Variants in TIPIN observed in about 807,000 individuals in gnomAD.
TIPIN encodes the protein TIMELESS interacting protein, also known as TIMELESS-interacting protein.
In TIPIN, 29 loss-of-function variants were observed where a neutral mutation model predicts 35.6. The ratio of observed to expected loss-of-function variants is 0.82; its 90% CI spans 0.61 to 1.11. The LOEUF is 1.11. Among genes scored for constraint, TIPIN ranks in the 50% most tolerant of loss-of-function variants. The probability of loss-of-function intolerance (pLI) is 0.00; values close to 1 mark genes in which losing one functional copy is unlikely to be tolerated. For missense variants in TIPIN, 296 were observed against 345.4 expected, an observed-to-expected ratio of 0.86 and a Z score of 1.13; for synonymous variants, 102 against 121.5, an observed-to-expected ratio of 0.84 and a Z score of 1.06.
At chr15:66,367,897 T>C (rs371703512) in intron 1 of TIPIN, among the ~76,000 whole-genome samples, 8 of 149,780 alleles carry the variant, frequency 5.3e-5, no homozygotes, top group South Asian at 2.1e-4. Context: ...TGCAGTGGCG[T>C]GATCTCGGCT....
intron 1 of TIPIN, among the ~76,000 whole-genome samples, chr15:66,366,251 C>T (rs891738324): frequency 6.6e-5 from 10 of 151,176 alleles, no homozygotes; most frequent in South Asian, 2.1e-4. Context: ...GTCAAGAGTT[C>T]GAGACCAGCC....
chr15:66,381,977 AC>A (rs1478161559), intron 1 of TIPIN, among the ~76,000 whole-genome samples: 2 of 152,120 alleles, frequency 1.3e-5, no homozygotes, highest in Non-Finnish European at 2.9e-5. Flanking sequence ...AGGCAGGAGA[AC>A]CGCTTGAACC....
chr15:66,354,050 C>T (rs563412767), intron 1 of TIPIN, among the ~76,000 whole-genome samples: 17 of 152,110 alleles, frequency 1.1e-4, no homozygotes, highest in Non-Finnish European at 2.4e-4. Flanking sequence ...TCTGGGCACT[C>T]CTCCTGGATT....
chr15:66,382,621 T>G (rs2093322338), intron 1 of TIPIN, among the ~76,000 whole-genome samples: 1 of 151,772 alleles, frequency 6.6e-6, no homozygotes, highest in Non-Finnish European at 1.5e-5. Context: ...GTCATCCACC[T>G]GCCTCAGCCT....
intron 4 of TIPIN, among the ~76,000 whole-genome samples, chr15:66,350,226 A>G (rs2093157917): frequency 6.6e-6 from 1 of 151,978 alleles, no homozygotes; most frequent in Non-Finnish European, 1.5e-5. Context: ...GGCCTCCCAA[A>G]GTGCTGGGAT....
intron 4 of TIPIN, among the ~76,000 whole-genome samples, chr15:66,350,165 T>C (rs1485155304): frequency 6.6e-6 from 1 of 151,802 alleles, no homozygotes; most frequent in Non-Finnish European, 1.5e-5. Flanking sequence ...GGTTTTGCCA[T>C]GTTGGCCAGG....
chr15:66,349,153 A>G (rs763380356), intron 5 of TIPIN, 30 bp from the exon 6 acceptor site: 1 of 1,605,100 alleles, frequency 6.2e-7, no homozygotes, highest in Admixed American at 1.7e-5. Context: ...ATTTATTTTT[A>G]CCTCTTTACC....
At chr15:66,383,317 C>T (rs892398975) in intron 1 of TIPIN, among the ~76,000 whole-genome samples, 1 of 149,692 alleles carries the variant, frequency 6.7e-6, no homozygotes, top group African/African-American at 2.5e-5. Context: ...GGCTGGAGTA[C>T]AGTGGAGTGA....
intron 1 of TIPIN, among the ~76,000 whole-genome samples, chr15:66,367,234 A>ATATCTATATCTATATCTATATCTG (rs1566983188): frequency 7.7e-5 from 10 of 130,714 alleles, no homozygotes; most frequent in African/African-American, 2.4e-4. Context: ...ATCTGTATCT[A>ATATCTATATCTATATCTATATCTG]TATCTATATC....
intron 7 of TIPIN, among the ~76,000 whole-genome samples, chr15:66,340,517 G>A (rs577778066): frequency 1.3e-5 from 2 of 151,798 alleles, no homozygotes; most frequent in Non-Finnish European, 2.9e-5. Flanking sequence ...TTGTCCTAAA[G>A]GTAATAGTAT....
At chr15:66,379,201 T>C (rs565932774) in intron 1 of TIPIN, 11 of 1,235,666 alleles carry the variant, frequency 8.9e-6, no homozygotes, top group Non-Finnish European at 1.2e-5. Flanking sequence ...GATTGCATCT[T>C]TGATGCACCT....
chr15:66,357,729 G>T (rs1436548496), upstream of TIPIN, among the ~76,000 whole-genome samples: 2 of 152,090 alleles, frequency 1.3e-5, no homozygotes, highest in South Asian at 2.1e-4. Flanking sequence ...AGGCCGAGGC[G>T]GGCAGATCAC....
At chr15:66,356,929 T>C (rs527980716), upstream of TIPIN, among the ~76,000 whole-genome samples, 1 of 152,256 alleles carries the variant, frequency 6.6e-6, no homozygotes. Flanking sequence ...CTTTTTTTTT[T>C]TTCTTGAGAC....
intron 1 of TIPIN, among the ~76,000 whole-genome samples, chr15:66,368,215 G>T (rs1239433235): frequency 1.3e-5 from 2 of 151,924 alleles, no homozygotes; most frequent in Admixed American, 6.6e-5. Context: ...ATAGGAAATT[G>T]CTTTTTAAAA....
At chr15:66,379,573 G>A (rs2093310386) in intron 1 of TIPIN, 16 of 1,611,314 alleles carry the variant, frequency 9.9e-6, no homozygotes, top group Admixed American at 5.0e-5. Context: ...AAGAAATTTC[G>A]GATTTCAACA....
chr15:66,383,548 GCCA>G, intron 1 of TIPIN: 1 of 981,302 alleles, frequency 1.0e-6, no homozygotes, highest in Non-Finnish European at 1.2e-6. Flanking sequence ...AAAGGTGTGA[GCCA>G]CCACCACACC....
At chr15:66,346,344 C>G (rs1370780969) in intron 6 of TIPIN, among the ~76,000 whole-genome samples, 3 of 150,324 alleles carry the variant, frequency 2.0e-5, no homozygotes, top group African/African-American at 7.3e-5. Context: ...CTCCCCCATT[C>G]AAAATCACCT....
In TIPIN at chr15:66,352,805, C is replaced by G; in HGVS notation, c.133+10G>C. 1.2e-6 allele frequency: 2 copies of G among 1,607,534 alleles called. No individual in the cohort carries two copies. The highest frequency in any genetic ancestry group is 1.7e-6 in the Non-Finnish European group (2 of 1,177,848). ...CTCACAGCCTCCTTTTTAAAACTCT[C>G]TATACATACCTTCATCAGGCTCAGT... On this transcript the variant is annotated intron_variant, in intron 2 of 7. Transcript: ENST00000261881.
chr15:66,381,260 A>C (rs944333314), intron 1 of TIPIN, among the ~76,000 whole-genome samples: 2 of 152,044 alleles, frequency 1.3e-5, no homozygotes, highest in African/African-American at 2.4e-5. Flanking sequence ...ACATGGCGAA[A>C]CCCTGTCTCT....
Sources: allele counts gnomAD v4.1 joint callset (sites outside exome capture counted in the v4.1 genomes callset), GRCh38; gene constraint gnomAD v4.1.1; transcripts MANE v1.5; gene names NCBI Gene and HGNC (gene_info 2026-07-23, HGNC 2026-07-21).